Variants in TLE7 observed in about 807,000 individuals in gnomAD.
TLE7 encodes TLE family member 7, also known as transducin-like enhancer protein 7.
At chr16:71,437,828 T>C (rs1480716418) in intron 1 of TLE7, among the ~76,000 whole-genome samples, 4 of 152,204 alleles carry the variant, frequency 2.6e-5, no homozygotes, top group African/African-American at 9.7e-5. Flanking sequence ...AGGAATCTTT[T>C]ACCACCCCTG....
intron 1 of TLE7, among the ~76,000 whole-genome samples, chr16:71,434,438 G>GGACAA (rs2042818615): frequency 6.6e-6 from 1 of 152,142 alleles, no homozygotes; most frequent in South Asian, 2.1e-4. Flanking sequence ...CTTAGGGATG[G>GGACAA]GACAAGACAA....
chr16:71,439,916 C>CA lies in TLE7; in HGVS notation c.-97+2052dup, dbSNP rs1567556937. Among the ~76,000 whole-genome samples, 4 of 152,316 alleles carry CA rather than the reference C, an allele frequency of 2.6e-5. No individual in the cohort carries two copies. In the East Asian group the frequency reaches 7.7e-4, roughly 29 times the overall value. Reference sequence around the variant, plus strand: ...AACATTTCTTGGACACCAGTGTTCACAGAAGCATTATTCACAGTAGCCAAA... The same window carrying CA: ...AACATTTCTTGGACACCAGTGTTCACAAGAAGCATTATTCACAGTAGCCAAA... On this transcript the variant is annotated intron_variant, in intron 1 of 9. Transcript: ENST00000561754.
chr16:71,437,451 GAAA>G (rs1238099218), intron 1 of TLE7, among the ~76,000 whole-genome samples: 17 of 133,596 alleles, frequency 1.3e-4, no homozygotes, highest in African/African-American at 4.8e-4. Flanking sequence ...AGGAAGAAAG[GAAA>G]GAGAAGGGAG....
At chr16:71,440,285 T>G (rs982668156) in intron 1 of TLE7, among the ~76,000 whole-genome samples, 1 of 152,200 alleles carries the variant, frequency 6.6e-6, no homozygotes, top group African/African-American at 2.4e-5. Context: ...GTGATGGTTG[T>G]GCAACATTGT....
chr16:71,438,231 G>A (rs78519997), intron 1 of TLE7, among the ~76,000 whole-genome samples: 3 of 151,940 alleles, frequency 2.0e-5, no homozygotes, highest in Non-Finnish European at 4.4e-5. Context: ...TCACGAGTTC[G>A]AGACCAGCCT....
rs2042804785 is a variant in TLE7 at position 71,431,722 on chromosome 16, C to A, written c.851+39G>T. On this transcript the variant is annotated intron_variant, in intron 6 of 9. Transcript: ENST00000561754. This position sits in a 1 kb window ranked among gnomAD's most constrained non-coding sequence, Gnocchi z 4.5. Reference sequence around the variant, plus strand: ...GAAAGAGCCTCACTGGCAAGCCCTCCCCCAGGTACACCTGAGTGGCTCTGG... The same window carrying A: ...GAAAGAGCCTCACTGGCAAGCCCTCACCCAGGTACACCTGAGTGGCTCTGG... The A allele has an allele frequency of 2.5e-6, 1 of 400,536 alleles. No individual in the cohort carries two copies. The highest frequency in any genetic ancestry group is 2.1e-5 in the African/African-American group (1 of 48,660). 24.8% of individuals were successfully genotyped at this position (400,536 alleles called of 1,614,324 possible). A position where few individuals can be genotyped will look rare whatever the true frequency, so the allele number is the denominator to read the frequency against.
chr16:71,430,019 T>C lies in TLE7; in HGVS notation c.*243A>G, dbSNP rs1321641307. Among the ~76,000 whole-genome samples the C allele has an allele frequency of 6.6e-6, 1 of 152,178 alleles. No individual in the cohort carries two copies. The highest frequency in any genetic ancestry group is 1.9e-4 in the East Asian group (1 of 5,192). On this transcript the variant is annotated 3_prime_UTR_variant, in exon 10 of 10. Transcript: ENST00000561754. ...TGCTATTTTATTCATTACAAAGGGA[T>C]CTCAAGTTTCCTGCCAAAACCCAGA...
chr16:71,436,777 T>A (rs550983370), intron 1 of TLE7, among the ~76,000 whole-genome samples: 24 of 152,374 alleles, frequency 1.6e-4, no homozygotes, highest in East Asian at 3.9e-4. Context: ...TGCCTGGCTC[T>A]GGGCCTCTAA....
chr16:71,438,330 G>A (rs926336597), intron 1 of TLE7, among the ~76,000 whole-genome samples: 1 of 150,866 alleles, frequency 6.6e-6, no homozygotes, highest in African/African-American at 2.4e-5. Flanking sequence ...TCAGGAGGCT[G>A]AGGCAGGAGA....
rs1378888266 is a variant in TLE7, at chr16:71,430,160, G to A, written c.*102C>T. The A allele has an allele frequency of 5.0e-6, 2 of 397,306 alleles. No homozygotes were observed. Among genetic ancestry groups the A allele is most frequent in the Admixed American group, 4.4e-5 (1 of 22,718 alleles). The allele number at this position is 397,306 out of a possible 1,614,324, so 24.6% of individuals were successfully genotyped here. On this transcript the variant is annotated 3_prime_UTR_variant, in exon 10 of 10. Coordinates refer to ENST00000561754, the MANE Select transcript of TLE7 (RefSeq NM_001367365.2). ...AGGGATGACCCAAGCTAAGGCAGAG[G>A]AGATGGCAGGTGTTAGAGGTGTCCA...
intron 1 of TLE7, among the ~76,000 whole-genome samples, chr16:71,436,733 G>A (rs12708914): frequency 0.22 from 33,333 of 152,162 alleles, 5,085 homozygotes; most frequent in African/African-American, 0.43. Flanking sequence ...ACACGGGGCC[G>A]CTTTCCTCTT....
chr16:71,440,898 T>G (rs1447800220), intron 1 of TLE7, among the ~76,000 whole-genome samples: 1 of 152,166 alleles, frequency 6.6e-6, no homozygotes, highest in Non-Finnish European at 1.5e-5. Context: ...CCTCCCTCAC[T>G]GTCACGGGGA....
intron 1 of TLE7, among the ~76,000 whole-genome samples, chr16:71,436,288 T>G (rs1338829764): frequency 6.6e-6 from 1 of 152,130 alleles, no homozygotes; most frequent in African/African-American, 2.4e-5. Flanking sequence ...GCTGCCCCTA[T>G]CCTGCGGTGC....
rs1443653821 is a variant in TLE7, at chr16:71,430,226, C to T, written c.*36G>A. 2 of 398,544 alleles carry T rather than the reference C, an allele frequency of 5.0e-6. No homozygotes were observed. The highest frequency in any genetic ancestry group is 2.1e-5 in the African/African-American group (1 of 48,632). 24.7% of individuals were successfully genotyped at this position (398,544 alleles called of 1,614,324 possible). A position where few individuals can be genotyped will look rare whatever the true frequency, so the allele number is the denominator to read the frequency against. ...CCTCACAGCCACACCAGCCCAAAGA[C>T]TGGGTCTTCACTGGCAGGACCATGG... On this transcript the variant is annotated 3_prime_UTR_variant, in exon 10 of 10. Coordinates refer to ENST00000561754, the MANE Select transcript of TLE7 (RefSeq NM_001367365.2).
intron 1 of TLE7, among the ~76,000 whole-genome samples, chr16:71,441,205 C>G (rs1307199296): frequency 6.6e-6 from 1 of 152,232 alleles, no homozygotes; most frequent in Non-Finnish European, 1.5e-5. Context: ...CAATGTGGGC[C>G]TCGCAGCAGG....
intron 1 of TLE7, among the ~76,000 whole-genome samples, chr16:71,438,720 G>A (rs934292427): frequency 4.7e-5 from 7 of 149,646 alleles, no homozygotes; most frequent in South Asian, 2.1e-4. Flanking sequence ...GGGACAGCCC[G>A]AGGAGTTGCA....
At chr16:71,435,893 C>A (rs959649501) in intron 1 of TLE7, among the ~76,000 whole-genome samples, 5 of 152,090 alleles carry the variant, frequency 3.3e-5, no homozygotes, top group Admixed American at 2.0e-4. Context: ...CTCAGACCCC[C>A]TTTTGGGGCC....
chr16:71,438,681 CAAA>C (rs71389663), intron 1 of TLE7, among the ~76,000 whole-genome samples: 1 of 65,758 alleles, frequency 1.5e-5, no homozygotes, highest in Non-Finnish European at 3.0e-5. Context: ...GACTCCATCT[CAAA>C]AAAAAAAAAA....
intron 1 of TLE7, among the ~76,000 whole-genome samples, chr16:71,436,724 C>A (rs1175613055): frequency 6.6e-6 from 1 of 152,226 alleles, no homozygotes; most frequent in African/African-American, 2.4e-5. Flanking sequence ...GTGGGAGGGA[C>A]ACGGGGCCGC....
Sources: allele counts gnomAD v4.1 joint callset (sites outside exome capture counted in the v4.1 genomes callset), GRCh38; gene constraint gnomAD v4.1.1; non-coding constraint Gnocchi (gnomAD v3.1); transcripts MANE v1.5; gene names NCBI Gene and HGNC (gene_info 2026-07-23, HGNC 2026-07-21).